The following AOPEP variants were observed in gnomAD, a reference collection of about 807,000 sequenced individuals.
AOPEP encodes aminopeptidase O (putative).
In AOPEP, 77 loss-of-function variants were observed where a neutral mutation model predicts 98.1. The ratio of observed to expected loss-of-function variants is 0.78; its 90% CI spans 0.65 to 0.95. The LOEUF (loss-of-function observed/expected upper bound fraction) is 0.95, where lower values mean the gene tolerates loss of function less well. Among genes scored for constraint, AOPEP ranks in the 40% least tolerant of loss-of-function variants. AOPEP has a pLI of 0.00. For synonymous variants in AOPEP, 346 were observed against 365.3 expected (o/e 0.95, Z 0.60); for missense variants, 1,024 against 1,024.7 (o/e 1.00, Z 0.01).
At chr9:95,105,451 AAAAT>A in the AOPEP span, among the ~76,000 whole-genome samples, 1 of 152,236 alleles carries the variant, frequency 6.6e-6, no homozygotes, top group Non-Finnish European at 1.5e-5. Context: ...AATAAAATAA[AAAAT>A]AAAACAAAAC....
chr9:95,050,368 G>A (rs2066236744), intron 13 of AOPEP, among the ~76,000 whole-genome samples: 2 of 152,056 alleles, frequency 1.3e-5, no homozygotes, highest in South Asian at 4.2e-4. Context: ...AGGCTGTTAA[G>A]GAATTAATCC....
intron 5 of AOPEP, among the ~76,000 whole-genome samples, chr9:94,866,720 A>G (rs770791129): frequency 6.6e-6 from 1 of 152,224 alleles, no homozygotes; most frequent in Non-Finnish European, 1.5e-5. Flanking sequence ...TACATCAAAT[A>G]TAAGTCTTTT....
chr9:94,902,286 A>C (rs10739991), intron 5 of AOPEP, among the ~76,000 whole-genome samples: 128,784 of 152,174 alleles, frequency 0.85, 56,361 homozygotes, highest in Non-Finnish European at 0.95. Context: ...GAAACTAATA[A>C]AGCTGGCTGG....
intron 5 of AOPEP, among the ~76,000 whole-genome samples, chr9:94,921,543 C>G (rs2053623256): frequency 6.6e-6 from 1 of 152,160 alleles, no homozygotes; most frequent in South Asian, 2.1e-4. Flanking sequence ...CATTTAGTGC[C>G]CAAGGGAGGG....
chr9:95,004,678 C>T (rs2061804337), intron 11 of AOPEP, among the ~76,000 whole-genome samples: 1 of 149,552 alleles, frequency 6.7e-6, no homozygotes, highest in African/African-American at 2.5e-5. Flanking sequence ...CTCTCGCTGC[C>T]GGGAAGCCGC....
Position 94,760,035 on chromosome 9 carries a change from G to A in AOPEP, c.252G>A (p.Val84=). The change falls in exon 2 of 17, where the codon GTG becomes GTA. Residue 84 remains valine (V), a synonymous_variant. Transcript: ENST00000375315. ...FGMPEPCHIP[V]TNARTFSSEM... ...TGCCTGAACCCTGCCATATTCCCGT[G>A]ACAAATGCAAGGACCTTCTCATCTG... 1 of 1,614,174 alleles carries A rather than the reference G, an allele frequency of 6.2e-7. No individual in the cohort carries two copies. Among genetic ancestry groups the A allele is most frequent in the Non-Finnish European group, 8.5e-7 (1 of 1,180,038 alleles).
the AOPEP span, chr9:95,107,270 C>G: frequency 6.2e-7 from 1 of 1,613,512 alleles, no homozygotes; most frequent in South Asian, 1.1e-5. Flanking sequence ...TCACCTGGAC[C>G]TGGGCAATAG....
intron 13 of AOPEP, among the ~76,000 whole-genome samples, chr9:95,059,619 T>C (rs2067148864): frequency 6.6e-6 from 1 of 152,136 alleles, no homozygotes; most frequent in South Asian, 2.1e-4. Flanking sequence ...GGGAAACCAG[T>C]ACTTTTTAAA....
intron 2 of AOPEP, among the ~76,000 whole-genome samples, chr9:94,767,437 C>T (rs1839878310): frequency 6.6e-6 from 1 of 152,198 alleles, no homozygotes; most frequent in Non-Finnish European, 1.5e-5. Context: ...AATAACAAAT[C>T]GCAGTGCCCC....
At chr9:94,846,754 T>A (rs1328314019) in intron 5 of AOPEP, among the ~76,000 whole-genome samples, 1 of 152,044 alleles carries the variant, frequency 6.6e-6, no homozygotes, top group Non-Finnish European at 1.5e-5. Context: ...ACAAAAATTT[T>A]AAAAAGTTAG....
At chr9:95,058,997 G>GC (rs1264940848) in intron 13 of AOPEP, among the ~76,000 whole-genome samples, 1 of 152,242 alleles carries the variant, frequency 6.6e-6, no homozygotes, top group Non-Finnish European at 1.5e-5. Context: ...CATGCACCCG[G>GC]CAGTGTTCAT....
chr9:94,865,349 C>T (rs572566852), intron 5 of AOPEP, among the ~76,000 whole-genome samples: 1 of 152,222 alleles, frequency 6.6e-6, no homozygotes, highest in South Asian at 2.1e-4. Context: ...TCTTTTTTTA[C>T]TTCCTTTCCA....
intron 11 of AOPEP, among the ~76,000 whole-genome samples, chr9:94,996,389 T>A (rs903543034): frequency 1.5e-3 from 217 of 145,508 alleles, no homozygotes; most frequent in African/African-American, 5.1e-3. Context: ...TGTGTGTGTG[T>A]GTGAGAGAGA....
At chr9:94,994,604 A>C (rs1174110003) in intron 11 of AOPEP, among the ~76,000 whole-genome samples, 1 of 152,164 alleles carries the variant, frequency 6.6e-6, no homozygotes, top group Non-Finnish European at 1.5e-5. Context: ...GATTATAGCT[A>C]TTTTTGCATC....
At chr9:94,795,695 C>T (rs1249554218) in intron 4 of AOPEP, among the ~76,000 whole-genome samples, 1 of 152,204 alleles carries the variant, frequency 6.6e-6, no homozygotes, top group Non-Finnish European at 1.5e-5. Flanking sequence ...CTCCTTCCTG[C>T]TCAGAAGCAA....
downstream of AOPEP, among the ~76,000 whole-genome samples, chr9:95,087,513 C>T (rs1472911828): frequency 1.6e-5 from 2 of 121,956 alleles, no homozygotes; most frequent in African/African-American, 6.0e-5. Flanking sequence ...AAAAAAAGCA[C>T]GTACAAGAAA....
chr9:95,118,785 G>A, the AOPEP span, among the ~76,000 whole-genome samples: 1 of 152,198 alleles, frequency 6.6e-6, no homozygotes, highest in Admixed American at 6.5e-5. Flanking sequence ...TGAATTGTAT[G>A]AATATGCCAT....
chr9:94,787,011 C>T (rs530287126), intron 3 of AOPEP, among the ~76,000 whole-genome samples: 4 of 152,228 alleles, frequency 2.6e-5, no homozygotes, highest in East Asian at 1.9e-4. Flanking sequence ...AAAAAACTTG[C>T]GCGCTGTATA....
At chr9:94,746,979 A>T (rs1834635997) in intron 1 of AOPEP, among the ~76,000 whole-genome samples, 1 of 151,360 alleles carries the variant, frequency 6.6e-6, no homozygotes, top group African/African-American at 2.4e-5. Context: ...ACTTGGCCTT[A>T]CTGCATTGAT....
Sources: gnomAD v4.1 joint callset for allele counts (sites outside exome capture counted in the v4.1 genomes callset) on GRCh38, gnomAD v4.1.1 for gene constraint, MANE v1.5 for transcripts, NCBI Gene and HGNC (gene_info 2026-07-23, HGNC 2026-07-21) for gene names.